SLC25A40: variants seen among roughly 807,000 people sequenced by gnomAD.
SLC25A40 encodes solute carrier family 25 member 40, also known as mitochondrial glutathione transporter SLC25A40.
SLC25A40 carries 41 observed loss-of-function variants against 46.5 expected under a neutral mutation model. The ratio of observed to expected loss-of-function variants is 0.88; its 90% CI spans 0.69 to 1.14. The LOEUF is 1.14. Among genes scored for constraint, SLC25A40 ranks in the 50% most tolerant of loss-of-function variants. The probability of loss-of-function intolerance (pLI) is 0.00; values close to 1 mark genes in which losing one functional copy is unlikely to be tolerated. For missense variants in SLC25A40, 386 were observed against 393.6 expected (o/e 0.98, Z 0.16); for synonymous variants, 126 against 127.5 (o/e 0.99, Z 0.08).
Position 87,847,031 on chromosome 7 carries a change from G to C in SLC25A40, c.549C>G (p.Val183=), listed in dbSNP as rs752942099. The stretch of plus-strand genomic sequence containing the variant: ...AACCATCTTCAGATACTTTCTTGCT[G>C]ACAAATCGATGCAGTTCCACGTAAG... ...KFSYVELHRF[V]SKKVSEDGWI... is the part of the protein sequence containing the mutation. Residue 183 remains valine (V), a synonymous_variant, in exon 8 of 12, where the codon GTC becomes GTG. Coordinates refer to ENST00000341119, the MANE Select transcript of SLC25A40 (RefSeq NM_018843.4). 1.9e-6 allele frequency: 3 copies of C among 1,613,774 alleles called. No homozygotes were observed. Among genetic ancestry groups the C allele is most frequent in the Non-Finnish European group, 2.5e-6 (3 of 1,179,846 alleles).
chr7:87,860,871 AAAAC>A (rs1838686351), intron 1 of SLC25A40, among the ~76,000 whole-genome samples: 1 of 152,200 alleles, frequency 6.6e-6, no homozygotes, highest in Admixed American at 6.5e-5. Context: ...CTCTGCTTTA[AAAAC>A]AAATAAGCAA....
chr7:87,853,961 G>A (rs1838559980), intron 5 of SLC25A40, among the ~76,000 whole-genome samples: 1 of 152,080 alleles, frequency 6.6e-6, no homozygotes, highest in Non-Finnish European at 1.5e-5. Context: ...AAATCTGTCT[G>A]TATATATTTT....
rs1330782580 is a variant in SLC25A40 at position 87,846,967 on chromosome 7, TAA to T, written c.611_612del (p.Leu204GlnfsTer12). ...ATCCTACCTGAGAAAGGTACATCTC[TAA>T]GAACAGTAGGAGCCCAGCCCCTCCA... ...SLWRGWAPTV[L>X]RDVPFSAMYW... On this transcript the variant is annotated frameshift_variant, in exon 8 of 12. Transcript: ENST00000341119. LOFTEE classifies it high-confidence loss of function. 1 of 1,611,284 alleles carries T rather than the reference TAA, an allele frequency of 6.2e-7. No homozygotes were observed. The highest frequency in any genetic ancestry group is 1.7e-5 in the Admixed American group (1 of 59,376).
At chr7:87,844,667 T>A (rs1460800267) in intron 8 of SLC25A40, among the ~76,000 whole-genome samples, 1 of 152,028 alleles carries the variant, frequency 6.6e-6, no homozygotes, top group Non-Finnish European at 1.5e-5. Flanking sequence ...CAAAGCAGAA[T>A]TTATAACAGA....
chr7:87,864,987 T>G (rs939188884), intron 1 of SLC25A40, among the ~76,000 whole-genome samples: 4 of 150,996 alleles, frequency 2.6e-5, no homozygotes, highest in African/African-American at 9.7e-5. Context: ...TTTCTTTTTT[T>G]TTTTTTTGAG....
At chr7:87,872,865 T>C (rs1838915264) in intron 1 of SLC25A40, among the ~76,000 whole-genome samples, 1 of 152,150 alleles carries the variant, frequency 6.6e-6, no homozygotes, top group Admixed American at 6.5e-5. Context: ...ACACTTAGGA[T>C]GTCTTCAAGG....
intron 8 of SLC25A40, among the ~76,000 whole-genome samples, chr7:87,846,276 G>A (rs953383504): frequency 3.6e-5 from 5 of 137,844 alleles, no homozygotes; most frequent in East Asian, 2.3e-4. Flanking sequence ...GTGAAAGAAC[G>A]TATTTGTGGT....
chr7:87,856,314 G>T lies in SLC25A40; in HGVS notation c.135C>A (p.Ala45=). The T allele has an allele frequency of 6.2e-7, 1 of 1,613,162 alleles. No homozygotes were observed. The highest frequency in any genetic ancestry group is 8.5e-7 in the Non-Finnish European group (1 of 1,179,458). Residue 45 remains alanine, a synonymous_variant, in exon 4 of 12, where the codon GCC becomes GCA. Transcript: ENST00000341119. The part of the protein sequence containing the change: ...PLDVVKIRLQ[A]QNNPLPKGKC... ...TACCTTTGGGGAGTGGGTTGTTTTG[G>T]GCTTGGAGTCTAATTTTAACAACAT... is the stretch of plus-strand genomic sequence containing the variant.
At chr7:87,851,944 A>T (rs1167207813) in intron 5 of SLC25A40, among the ~76,000 whole-genome samples, 2 of 152,226 alleles carry the variant, frequency 1.3e-5, no homozygotes, top group Non-Finnish European at 2.9e-5. Flanking sequence ...AAATTTTTTT[A>T]AAAAGATAGG....
At position 87,875,496 on chromosome 7, in the gene SLC25A40, G is replaced by C. The variant is rs577525290; in HGVS notation, c.-94+600C>G. On this transcript the variant is annotated intron_variant, in intron 1 of 11. Coordinates refer to ENST00000341119, the MANE Select transcript of SLC25A40 (RefSeq NM_018843.4). ...ACAGGAGTGCCTATTATGGCCTGGA[G>C]TAGAGGAATGCAAAATAGTTCAAAA... 4.0e-5 allele frequency among the ~76,000 whole-genome samples: 6 copies of C among 151,526 alleles called. No individual in the cohort carries two copies. In the South Asian group the frequency reaches 1.2e-3, roughly 32 times the overall value.
At position 87,836,753 on chromosome 7, in the gene SLC25A40, T is replaced by G. The variant is rs139396104; in HGVS notation, c.881A>C (p.Asn294Thr). 1,926 of 1,549,796 alleles carry G rather than the reference T, an allele frequency of 1.2e-3. 3 individuals are homozygous for G. The highest frequency in any genetic ancestry group is 1.5e-3 in the Non-Finnish European group (1,692 of 1,151,896). ...ACCTGAAAATAATCCGGAAAATCCA[T>G]TTTTAGCAACAATGTTCTTCATTAT... ...WIIMKNIVAK[N>T]GFSGLFSGLI... is the part of the protein sequence containing the mutation. The change falls in exon 11 of 12, where the codon AAT becomes ACT. Residue 294 changes from asparagine to threonine, a missense_variant. Coordinates refer to ENST00000341119, the MANE Select transcript of SLC25A40 (RefSeq NM_018843.4).
intron 5 of SLC25A40, among the ~76,000 whole-genome samples, 163 bp downstream of exon 5, chr7:87,854,041 A>C (rs933311953): frequency 6.6e-6 from 1 of 152,166 alleles, no homozygotes; most frequent in Admixed American, 6.5e-5. Context: ...TTTTTACACA[A>C]AACCATGAAC....
chr7:87,854,123 C>T (rs1167016698), intron 5 of SLC25A40, 81 bp downstream of exon 5: 1 of 943,710 alleles, frequency 1.1e-6, no homozygotes, highest in Admixed American at 2.0e-5. Flanking sequence ...TGATTCTTAA[C>T]CCTCTTGCAA....
chr7:87,864,985 T>C (rs920239743), intron 1 of SLC25A40, among the ~76,000 whole-genome samples: 4 of 150,884 alleles, frequency 2.7e-5, no homozygotes, highest in African/African-American at 7.3e-5. Context: ...CTTTTCTTTT[T>C]TTTTTTTTTG....
intron 4 of SLC25A40, among the ~76,000 whole-genome samples, chr7:87,855,458 C>G (rs1263203358): frequency 6.6e-6 from 1 of 152,026 alleles, no homozygotes; most frequent in Admixed American, 6.5e-5. Flanking sequence ...ACAACTTTCT[C>G]TAATACCAAC....
At chr7:87,843,394 G>C (rs1330803242) in intron 9 of SLC25A40, among the ~76,000 whole-genome samples, 1 of 152,002 alleles carries the variant, frequency 6.6e-6, no homozygotes, top group Non-Finnish European at 1.5e-5. Flanking sequence ...GAGGCTAGAA[G>C]TGCTTAATGC....
chr7:87,872,736 C>G (rs993769337), intron 1 of SLC25A40, among the ~76,000 whole-genome samples: 9 of 152,144 alleles, frequency 5.9e-5, no homozygotes, highest in African/African-American at 2.2e-4. Flanking sequence ...TCGAGGCTGG[C>G]GGATCATCTG....
chr7:87,866,786 C>T (rs1016258943), intron 1 of SLC25A40, among the ~76,000 whole-genome samples: 5 of 152,244 alleles, frequency 3.3e-5, no homozygotes, highest in Non-Finnish European at 5.9e-5. Context: ...AGTTTAGACA[C>T]ACACCTTTAC....
At chr7:87,865,673 G>A (rs369778490) in intron 1 of SLC25A40, among the ~76,000 whole-genome samples, 1 of 152,166 alleles carries the variant, frequency 6.6e-6, no homozygotes, top group African/African-American at 2.4e-5. Context: ...TCAGGAGGCT[G>A]AGGCAGGAGA....
Sources: gnomAD v4.1 joint callset for allele counts (sites outside exome capture counted in the v4.1 genomes callset) on GRCh38, gnomAD v4.1.1 for gene constraint, MANE v1.5 for transcripts, NCBI Gene and HGNC (gene_info 2026-07-23, HGNC 2026-07-21) for gene names.